Variants in MRTFB observed in about 807,000 individuals in gnomAD.
MRTFB encodes myocardin-related transcription factor B.
In MRTFB, 29 loss-of-function variants were observed where a neutral mutation model predicts 104.2. The observed-to-expected ratio is 0.28, with a 90% confidence interval of 0.21 to 0.38. MRTFB has a LOEUF of 0.38. Among genes scored for constraint, MRTFB ranks in the 10% least tolerant of loss-of-function variants. The probability of loss-of-function intolerance (pLI) is 1.00; values close to 1 mark genes in which losing one functional copy is unlikely to be tolerated. For synonymous variants in MRTFB, 535 were observed against 519.5 expected, an observed-to-expected ratio of 1.03 and a Z score of -0.41; for missense variants, 1,270 against 1,341.6, an observed-to-expected ratio of 0.95 and a Z score of 0.83.
At chr16:14,159,704 C>T (rs1354733458) in intron 3 of MRTFB, among the ~76,000 whole-genome samples, 2 of 151,586 alleles carry the variant, frequency 1.3e-5, no homozygotes, top group African/African-American at 2.4e-5. Flanking sequence ...CCGAGGCGGG[C>T]GGATCACGAG....
At chr16:14,127,931 T>TATATATATATATATATATA in intron 2 of MRTFB, among the ~76,000 whole-genome samples, 1 of 28,858 alleles carries the variant, frequency 3.5e-5, no homozygotes, top group Non-Finnish European at 5.1e-5. Context: ...ATATATATAT[T>TATATATATATATATATATA]TTTTTTTTTT....
At chr16:13,995,705 G>A in the MRTFB span, among the ~76,000 whole-genome samples, 52 of 152,296 alleles carry the variant, frequency 3.4e-4, no homozygotes, top group Non-Finnish European at 6.5e-4. Context: ...CACAGCAGAA[G>A]GTGAAGGGGA....
chr16:14,191,888 C>G (rs1056990509), intron 3 of MRTFB: 1 of 152,062 alleles, frequency 6.6e-6, no homozygotes, highest in South Asian at 2.1e-4. Context: ...TCTTCCTTTT[C>G]TGATTGCTGC....
intron 10 of MRTFB, chr16:14,241,387 A>C (rs1444628498): frequency 2.0e-5 from 3 of 152,274 alleles, no homozygotes; most frequent in Non-Finnish European, 2.9e-5. Context: ...CAAGACATCA[A>C]TGGCTAATTT....
chr16:14,210,283 A>G lies in MRTFB; in HGVS notation c.195A>G (p.Gln65=), dbSNP rs2151166266. ...TGCAACAAAGGAGGACGAGAGAACA[A>G]CTAGTGGACCAGGGCATCATGCCAC... ...LRLQQRRTRE[Q]LVDQGIMPPL... Residue 65 remains glutamine, a synonymous_variant, in exon 4 of 17, where the codon CAA becomes CAG. Transcript: ENST00000571589. 1 of 1,613,336 alleles carries G rather than the reference A, an allele frequency of 6.2e-7. No individual in the cohort carries two copies. The highest frequency in any genetic ancestry group is 8.5e-7 in the Non-Finnish European group (1 of 1,179,572).
chr16:14,223,022 C>G (rs1258749096), intron 8 of MRTFB, among the ~76,000 whole-genome samples: 1 of 150,628 alleles, frequency 6.6e-6, no homozygotes, highest in Non-Finnish European at 1.5e-5. Flanking sequence ...TTAAAAAAAA[C>G]AAGGCAGGGT....
chr16:14,107,808 A>G (rs2036065509), intron 2 of MRTFB, among the ~76,000 whole-genome samples: 1 of 152,220 alleles, frequency 6.6e-6, no homozygotes, highest in South Asian at 2.1e-4. Context: ...ATACAGGGTC[A>G]GCATACCCAG....
the MRTFB span, among the ~76,000 whole-genome samples, chr16:14,031,995 A>G: frequency 9.9e-4 from 151 of 152,250 alleles, 1 homozygote; most frequent in Non-Finnish European, 1.9e-3. Flanking sequence ...TTTAGTAGAG[A>G]CATAGTTTCG....
chr16:14,210,543 A>G (rs2041148266), intron 4 of MRTFB, among the ~76,000 whole-genome samples: 1 of 152,224 alleles, frequency 6.6e-6, no homozygotes. Flanking sequence ...GAACACCTTT[A>G]CACTGTAATT....
At chr16:14,126,249 G>C (rs941323854) in intron 2 of MRTFB, among the ~76,000 whole-genome samples, 4 of 151,996 alleles carry the variant, frequency 2.6e-5, no homozygotes, top group African/African-American at 9.7e-5. Flanking sequence ...TATGTTGCCA[G>C]ATACCTAGAA....
Position 14,140,591 on chromosome 16 carries a change from C to T in MRTFB, c.-16C>T, listed in dbSNP as rs778718169. 2.5e-6 allele frequency: 4 copies of T among 1,613,900 alleles called. No individual in the cohort carries two copies. Among genetic ancestry groups the T allele is most frequent in the South Asian group, 2.2e-5 (2 of 91,050 alleles). On this transcript the variant is annotated 5_prime_UTR_variant, in exon 3 of 17. Coordinates refer to ENST00000571589, the MANE Select transcript of MRTFB (RefSeq NM_001308142.2). Reference sequence around the variant, plus strand: ...AGAGGCGTCTTACACTCCCTGTTGCCAGTGGCTGGAACACAATGGATCACA... The same window carrying T: ...AGAGGCGTCTTACACTCCCTGTTGCTAGTGGCTGGAACACAATGGATCACA...
chr16:14,237,892 T>C (rs781233087), intron 9 of MRTFB, among the ~76,000 whole-genome samples: 7 of 151,752 alleles, frequency 4.6e-5, no homozygotes, highest in Non-Finnish European at 5.9e-5. Context: ...TCTGTAAGAG[T>C]AGGAAAATTA....
chr16:14,098,281 A>T (rs1394975587), intron 2 of MRTFB, among the ~76,000 whole-genome samples: 3 of 152,134 alleles, frequency 2.0e-5, no homozygotes, highest in Non-Finnish European at 4.4e-5. Context: ...ATTCTAATAG[A>T]TGTGTAGAAG....
chr16:14,240,734 T>C, intron 10 of MRTFB: 1 of 786,346 alleles, frequency 1.3e-6, no homozygotes, highest in Non-Finnish European at 2.3e-6. Context: ...TCACAATTAT[T>C]CATCCAGATT....
intron 10 of MRTFB, chr16:14,241,320 C>T (rs1046848138): frequency 4.6e-5 from 7 of 152,598 alleles, no homozygotes; most frequent in African/African-American, 1.7e-4. Context: ...AGTTTGAACC[C>T]AACTGTGGGG....
At chr16:14,161,549 G>C (rs1362365489) in intron 3 of MRTFB, among the ~76,000 whole-genome samples, 1 of 152,030 alleles carries the variant, frequency 6.6e-6, no homozygotes, top group Non-Finnish European at 1.5e-5. Context: ...TTTTAAATAG[G>C]ACACAAATAG....
chr16:14,178,913 C>G (rs1392802661), intron 3 of MRTFB, among the ~76,000 whole-genome samples: 2 of 152,090 alleles, frequency 1.3e-5, no homozygotes, highest in Admixed American at 1.3e-4. Flanking sequence ...CCACACTTGT[C>G]TAATTCTTTT....
At chr16:14,166,359 T>C (rs2039242991) in intron 3 of MRTFB, among the ~76,000 whole-genome samples, 1 of 152,150 alleles carries the variant, frequency 6.6e-6, no homozygotes, top group East Asian at 1.9e-4. Context: ...ATTTATTACG[T>C]ATGTATTCTT....
At chr16:14,036,489 T>G in the MRTFB span, among the ~76,000 whole-genome samples, 1 of 148,408 alleles carries the variant, frequency 6.7e-6, no homozygotes, top group South Asian at 2.1e-4. Context: ...TATTCCATCA[T>G]ATATATGTTG....
Sources: allele counts gnomAD v4.1 joint callset (sites outside exome capture counted in the v4.1 genomes callset), GRCh38; gene constraint gnomAD v4.1.1; transcripts MANE v1.5; gene names NCBI Gene and HGNC (gene_info 2026-07-23, HGNC 2026-07-21).